The following DLG2 variants were observed in gnomAD, a reference collection of about 807,000 sequenced individuals.
DLG2 encodes the protein disks large homolog 2.
Under a neutral mutation model 132.5 loss-of-function variants are expected in DLG2, and 45 were observed. The ratio of observed to expected loss-of-function variants is 0.34; its 90% confidence interval spans 0.27 to 0.44. The LOEUF (loss-of-function observed/expected upper bound fraction) is 0.44. Ranked by LOEUF, DLG2 falls within the 20% of genes least tolerant of loss-of-function variation. The pLI, the probability that DLG2 is intolerant of heterozygous loss-of-function variation, is 1.00. For missense variants in DLG2, 1,045 were observed against 1,196.9 expected, an observed-to-expected ratio of 0.87 and a Z score of 1.87; for synonymous variants, 424 against 419.6, an observed-to-expected ratio of 1.01 and a Z score of -0.13.
intron 4 of DLG2, among the ~76,000 whole-genome samples, chr11:85,273,367 C>A (rs536859241): frequency 6.6e-6 from 1 of 152,062 alleles, no homozygotes; most frequent in African/African-American, 2.4e-5. Context: ...TGACAAAGGG[C>A]TAATATCCAG....
At chr11:83,555,721 A>C (rs2096501594) in intron 19 of DLG2, among the ~76,000 whole-genome samples, 1 of 152,248 alleles carries the variant, frequency 6.6e-6, no homozygotes, top group African/African-American at 2.4e-5. Flanking sequence ...CCAACTGCAG[A>C]GCATACCTCA....
chr11:83,568,867 T>C (rs2096751963), intron 19 of DLG2, among the ~76,000 whole-genome samples: 1 of 152,244 alleles, frequency 6.6e-6, no homozygotes, highest in Non-Finnish European at 1.5e-5. Context: ...TTATTATTTC[T>C]TGTCTGTTGA....
intron 21 of DLG2, among the ~76,000 whole-genome samples, chr11:83,510,687 C>T (rs187820638): frequency 6.7e-4 from 102 of 152,114 alleles, no homozygotes; most frequent in Non-Finnish European, 7.1e-4. Context: ...CGGTGTCTCC[C>T]ATCTAAATAT....
chr11:85,247,833 A>G (rs1014880155), intron 4 of DLG2, among the ~76,000 whole-genome samples: 17 of 152,224 alleles, frequency 1.1e-4, no homozygotes, highest in African/African-American at 3.6e-4. Context: ...TATATATTAT[A>G]TTAGATACTT....
intron 17 of DLG2, among the ~76,000 whole-genome samples, chr11:83,787,145 A>C (rs763218083): frequency 1.7e-4 from 26 of 152,200 alleles, no homozygotes; most frequent in Admixed American, 4.6e-4. Flanking sequence ...GATGATAAAG[A>C]GAGACACATG....
chr11:85,357,623 G>T (rs1316238992), intron 3 of DLG2, among the ~76,000 whole-genome samples: 1 of 140,764 alleles, frequency 7.1e-6, no homozygotes, highest in East Asian at 2.1e-4. Flanking sequence ...TTATTATTCA[G>T]CCAAAGGTTA....
intron 18 of DLG2, among the ~76,000 whole-genome samples, chr11:83,749,506 T>C (rs2093161346): frequency 6.6e-6 from 1 of 152,168 alleles, no homozygotes; most frequent in Admixed American, 6.6e-5. Context: ...TGTCTCCTCT[T>C]GTTTCTTCCT....
chr11:84,359,803 T>A (rs1480209123), intron 7 of DLG2, among the ~76,000 whole-genome samples: 1 of 151,908 alleles, frequency 6.6e-6, no homozygotes, highest in East Asian at 1.9e-4. Context: ...CATCCTACTA[T>A]TAATCTATTA....
chr11:83,604,398 A>G (rs1050680435), intron 19 of DLG2, among the ~76,000 whole-genome samples: 16 of 152,224 alleles, frequency 1.1e-4, no homozygotes, highest in Admixed American at 9.2e-4. Flanking sequence ...CTTTAATACA[A>G]TTCTCTTGGA....
intron 3 of DLG2, among the ~76,000 whole-genome samples, chr11:85,551,320 T>C (rs963094462): frequency 3.9e-5 from 6 of 152,150 alleles, no homozygotes; most frequent in African/African-American, 9.6e-5. Flanking sequence ...TAATCAGCAA[T>C]AAACATCGAG....
chr11:84,239,441 C>T lies in DLG2; in HGVS notation c.573+11797G>A, dbSNP rs2097199087. The stretch of plus-strand genomic sequence containing the variant: ...AGGTGATCCTCCCACCTCGGCCTCC[C>T]AAAGTGCTGGGATTACAGGCATGAG... On this transcript the variant is annotated intron_variant, in intron 8 of 27. Transcript: ENST00000376104. Among the ~76,000 whole-genome samples the T allele has an allele frequency of 2.0e-5, 3 of 152,138 alleles. No homozygotes were observed. In the South Asian group the frequency reaches 6.2e-4, roughly 31 times the overall value.
intron 7 of DLG2, among the ~76,000 whole-genome samples, chr11:84,358,621 T>C (rs1452567745): frequency 3.3e-5 from 5 of 151,862 alleles, no homozygotes; most frequent in African/African-American, 1.2e-4. Context: ...ACTTGGCTAT[T>C]ATCACACATA....
chr11:84,899,781 G>C (rs1378900184), intron 6 of DLG2, among the ~76,000 whole-genome samples: 1 of 152,046 alleles, frequency 6.6e-6, no homozygotes, highest in Non-Finnish European at 1.5e-5. Context: ...CTATGCATTA[G>C]CTGTTTCCTT....
chr11:83,877,961 T>C (rs2065187505), intron 15 of DLG2, among the ~76,000 whole-genome samples: 2 of 152,296 alleles, frequency 1.3e-5, no homozygotes, highest in South Asian at 4.1e-4. Flanking sequence ...ATAAACAATG[T>C]GGTGTAGAGT....
At position 84,477,458 on chromosome 11, in the gene DLG2, G is replaced by GTA. The variant is rs2099124874; in HGVS notation, c.519+57110_519+57111dup. On this transcript the variant is annotated intron_variant, in intron 7 of 27. Coordinates refer to ENST00000376104, the MANE Select transcript of DLG2 (RefSeq NM_001142699.3). ...TGCAGTGAGCCAATTTTGTGTCATT[G>GTA]TACTCCAACCTGGGCAACAAGAGAG... 3.3e-5 allele frequency among the ~76,000 whole-genome samples: 5 copies of GTA among 152,034 alleles called. No individual in the cohort carries two copies. The South Asian group carries it at 8.3e-4, about 25-fold the overall frequency.
At chr11:84,077,379 C>T (rs1306199084) in intron 10 of DLG2, among the ~76,000 whole-genome samples, 4 of 152,122 alleles carry the variant, frequency 2.6e-5, no homozygotes, top group Admixed American at 6.6e-5. Context: ...CATTTTGGTC[C>T]ATCTCACAAC....
At chr11:85,026,025 A>G (rs2060484977) in intron 6 of DLG2, among the ~76,000 whole-genome samples, 1 of 152,068 alleles carries the variant, frequency 6.6e-6, no homozygotes, top group Admixed American at 6.5e-5. Context: ...ATTTTCAAAA[A>G]AATTTTGAAG....
At chr11:84,276,959 G>T (rs1190598945) in intron 7 of DLG2, among the ~76,000 whole-genome samples, 1 of 152,166 alleles carries the variant, frequency 6.6e-6, no homozygotes, top group Admixed American at 6.5e-5. Context: ...AGAGAGAAAA[G>T]AAACAAACAA....
chr11:84,512,830 C>T (rs1200422268), intron 7 of DLG2, among the ~76,000 whole-genome samples: 12 of 152,130 alleles, frequency 7.9e-5, no homozygotes, highest in African/African-American at 2.9e-4. Context: ...AGATCACGTC[C>T]TTTGCAGGGA....
Sources: gnomAD v4.1 joint callset for allele counts (sites outside exome capture counted in the v4.1 genomes callset) on GRCh38, gnomAD v4.1.1 for gene constraint, MANE v1.5 for transcripts, NCBI Gene and HGNC (gene_info 2026-07-23, HGNC 2026-07-21) for gene names.